The following MATN3 variants were observed in gnomAD, a reference collection of about 807,000 sequenced individuals.
The protein encoded by MATN3 is matrilin-3.
In MATN3, 48 loss-of-function variants were observed where a neutral mutation model predicts 45.3. The observed-to-expected ratio is 1.06, with a 90% CI of 0.84 to 1.35. MATN3 has a LOEUF of 1.35. MATN3 is among the 40% of genes most tolerant of loss of function. MATN3 has a pLI of 0.00. For synonymous variants in MATN3, 217 were observed against 245.9 expected, an observed-to-expected ratio of 0.88 and a Z score of 1.10; for missense variants, 599 against 628.0, an observed-to-expected ratio of 0.95 and a Z score of 0.49.
chr2:20,001,904 T>A, intron 4 of MATN3, 51 bp downstream of exon 4: 1 of 1,571,824 alleles, frequency 6.4e-7, no homozygotes, highest in Non-Finnish European at 8.7e-7. Context: ...CATCACCGGG[T>A]AGGTAGGCAG....
chr2:20,012,598 C>A lies in MATN3; in HGVS notation c.34G>T (p.Gly12Ter). 8.2e-7 allele frequency: 1 copy of A among 1,222,560 alleles called. No homozygotes were observed. 75.7% of individuals were successfully genotyped at this position (1,222,560 alleles called of 1,614,324 possible). A position where few individuals can be genotyped will look rare whatever the true frequency, so the allele number is the denominator to read the frequency against. ...PRPAPARRLP[G>*]LLLLLWPLLL... is the part of the protein sequence containing the mutation. ...AGCGGCCAGAGCAGCAGGAGGAGTC[C>A]CGGGAGGCGGCGCGCGGGGGCCGGG... is the stretch of plus-strand genomic sequence containing the variant. Residue 12 changes from glycine (G) to a stop codon, truncating the protein, a stop_gained, in exon 1 of 8, where the codon GGA becomes TGA. Transcript: ENST00000407540. LOFTEE classifies it high-confidence loss of function. The surrounding 1 kb of genome is among the most constrained non-coding windows in gnomAD (Gnocchi z 4.3).
intron 6 of MATN3, among the ~76,000 whole-genome samples, chr2:19,996,394 G>C (rs554212930): frequency 4.6e-5 from 7 of 152,142 alleles, no homozygotes; most frequent in African/African-American, 1.7e-4. Context: ...TGCAATGAAA[G>C]ACTGTTAAAA....
Position 20,011,202 on chromosome 2 carries a change from TA to T in MATN3, c.223+1206del, listed in dbSNP as rs1247836117. On this transcript the variant is annotated intron_variant, in intron 1 of 7. Coordinates refer to ENST00000407540, the MANE Select transcript of MATN3 (RefSeq NM_002381.5). ...TAGGTAATGAAAGACCAGTAAAGCT[TA>T]GGGGGACATGGCCACCTGGTGCTGA... Among the ~76,000 whole-genome samples the T allele has an allele frequency of 3.9e-5, 6 of 152,254 alleles. No individual in the cohort carries two copies. The East Asian group carries it at 1.2e-3, about 29-fold the overall frequency.
At chr2:19,994,472 A>G in intron 6 of MATN3, 63 bp from the exon 7 acceptor site, 2 of 934,722 alleles carry the variant, frequency 2.1e-6, no homozygotes, top group South Asian at 1.6e-5. Context: ...ATCATAACAA[A>G]TCAGGAAATC....
At chr2:20,000,858 T>C (rs1672971914) in intron 4 of MATN3, among the ~76,000 whole-genome samples, 1 of 152,238 alleles carries the variant, frequency 6.6e-6, no homozygotes, top group Admixed American at 6.5e-5. Context: ...AGGCTTATTG[T>C]ACTTATCCCA....
In MATN3 at chr2:20,002,161, T is replaced by TACACACACACACAC. The variant is rs35083474; in HGVS notation, c.917-95_917-82dup. ...TTGTGGGCCACGCCACTTACAGTTA[T>TACACACACACACAC]ACACACACACACACACACACACACA... On this transcript the variant is annotated intron_variant, in intron 3 of 7. Coordinates refer to ENST00000407540, the MANE Select transcript of MATN3 (RefSeq NM_002381.5). 2.5e-3 allele frequency: 1,591 copies of TACACACACACACAC among 647,338 alleles called. 26 individuals are homozygous for TACACACACACACAC. In the East Asian group the frequency reaches 0.049, roughly 20 times the overall value. The allele number at this position is 647,338 out of a possible 1,614,324, so 40.1% of individuals were successfully genotyped here.
chr2:19,999,161 A>G (rs1672935621), intron 5 of MATN3: 1 of 151,876 alleles, frequency 6.6e-6, no homozygotes, highest in Non-Finnish European at 1.5e-5. Context: ...ATTCCATACT[A>G]TCTGTTAGTT....
rs777525918 is a variant in MATN3, at chr2:19,993,101, T to C, written c.*10A>G. 2.1e-5 allele frequency: 33 copies of C among 1,609,122 alleles called. No individual in the cohort carries two copies. The highest frequency in any genetic ancestry group is 2.2e-5 in the South Asian group (2 of 90,936). On this transcript the variant is annotated 3_prime_UTR_variant, in exon 8 of 8. Transcript: ENST00000407540. ...GCTGTCCACATTTTCAGGTGAGAAA[T>C]TGGAGCAATTTAACGATGTATTTGT...
At chr2:20,009,388 C>A (rs1673173561) in intron 1 of MATN3, among the ~76,000 whole-genome samples, 1 of 151,864 alleles carries the variant, frequency 6.6e-6, no homozygotes, top group Middle Eastern at 3.2e-3. Context: ...AACAGAAAAC[C>A]AGACACCACA....
chr2:20,003,147 T>C lies in MATN3; in HGVS notation c.916+14A>G, dbSNP rs775554866. On this transcript the variant is annotated intron_variant, in intron 3 of 7. Transcript: ENST00000407540. The stretch of plus-strand genomic sequence containing the variant: ...AGTATTTGATTCAGTCACGGCCCCC[T>C]ACACAGGCCTCACCTGAACACGTTT... 5.1e-5 allele frequency: 83 copies of C among 1,613,552 alleles called. No individual in the cohort carries two copies. The highest frequency in any genetic ancestry group is 3.3e-5 in the Non-Finnish European group (39 of 1,179,654).
At position 19,992,487 on chromosome 2, in the gene MATN3, A is replaced by G. The variant is rs1263525285; in HGVS notation, c.*624T>C. On this transcript the variant is annotated 3_prime_UTR_variant, in exon 8 of 8. Transcript: ENST00000407540. ...CACAACTAGTGCTCTTTAGTAGTAC[A>G]TTTCTTTCAAAGACCAGAATGAATT... 5.9e-5 allele frequency: 9 copies of G among 152,228 alleles called. No individual in the cohort carries two copies. Among genetic ancestry groups the G allele is most frequent in the Admixed American group, 5.9e-4 (9 of 15,286 alleles). 9.4% of individuals were successfully genotyped at this position (152,228 alleles called of 1,614,324 possible).
At chr2:20,006,519 G>A (rs929279773) in intron 1 of MATN3, among the ~76,000 whole-genome samples, 1 of 152,172 alleles carries the variant, frequency 6.6e-6, no homozygotes, top group Non-Finnish European at 1.5e-5. Flanking sequence ...GAGGTGTGAA[G>A]TTTCCCCAAA....
chr2:20,011,293 T>C (rs1051194855), intron 1 of MATN3, among the ~76,000 whole-genome samples: 2 of 152,248 alleles, frequency 1.3e-5, no homozygotes, highest in East Asian at 1.9e-4. Flanking sequence ...TAAGATTAAC[T>C]TCCAGAAGAA....
chr2:20,003,417 T>A (rs1673029255), intron 2 of MATN3, 131 bp from the exon 3 acceptor site: 2 of 882,006 alleles, frequency 2.3e-6, no homozygotes, highest in Non-Finnish European at 3.2e-6. Context: ...AAAAAAATGG[T>A]TATTTGTTTT....
chr2:20,012,528 C>A lies in MATN3; in HGVS notation c.104G>T (p.Gly35Val). The part of the protein sequence containing the change: ...SAAPDPVARP[G>V]FRRLETRGPG... ...ACCTCGGGTCTCCAGCCTCCGGAAG[C>A]CCGGGCGGGCCACGGGGTCGGGGGC... is the stretch of plus-strand genomic sequence containing the variant. The change falls in exon 1 of 8, where the codon GGC becomes GTC. Residue 35 changes from glycine (G) to valine (V), a missense_variant. Gly to Val is a moderately radical substitution (Grantham distance 109). Transcript: ENST00000407540. This position sits in a 1 kb window ranked among gnomAD's most constrained non-coding sequence, Gnocchi z 4.3. The A allele has an allele frequency of 6.5e-6, 8 of 1,227,220 alleles. No individual in the cohort carries two copies. Among genetic ancestry groups the A allele is most frequent in the Non-Finnish European group, 7.1e-6 (7 of 985,218 alleles). 76.0% of individuals were successfully genotyped at this position (1,227,220 alleles called of 1,614,324 possible). A position where few individuals can be genotyped will look rare whatever the true frequency, so the allele number is the denominator to read the frequency against.
chr2:20,009,232 CAAA>C (rs558125406), intron 1 of MATN3, among the ~76,000 whole-genome samples: 1 of 54,976 alleles, frequency 1.8e-5, no homozygotes, highest in Admixed American at 1.9e-4. Flanking sequence ...CTCTAAAAGC[CAAA>C]AAAAAAAAAA....
Position 20,005,619 on chromosome 2 carries a change from C to T in MATN3, c.790+125G>A, listed in dbSNP as rs1019323796. On this transcript the variant is annotated intron_variant, in intron 2 of 7. Coordinates refer to ENST00000407540, the MANE Select transcript of MATN3 (RefSeq NM_002381.5). ...GCATGCACACGTGCACACACACACA[C>T]GCATTGGATATATTTAAGTTTTTCA... 2.8e-5 allele frequency: 22 copies of T among 779,504 alleles called. No individual in the cohort carries two copies. In the African/African-American group the frequency reaches 3.2e-4, roughly 11 times the overall value. The allele number at this position is 779,504 out of a possible 1,614,324, so 48.3% of individuals were successfully genotyped here. A position where few individuals can be genotyped will look rare whatever the true frequency, so the allele number is the denominator to read the frequency against.
intron 1 of MATN3, among the ~76,000 whole-genome samples, chr2:20,011,365 C>A (rs903372588): frequency 7.2e-5 from 11 of 152,250 alleles, no homozygotes; most frequent in Non-Finnish European, 1.5e-4. Context: ...GCCCTGTGGA[C>A]CCCGGTACCT....
chr2:19,999,849 C>G (rs1180563572), intron 5 of MATN3, among the ~76,000 whole-genome samples: 1 of 152,132 alleles, frequency 6.6e-6, no homozygotes, highest in African/African-American at 2.4e-5. Flanking sequence ...AAGTTTAAAT[C>G]AAATTAATGA....
Sources: allele counts gnomAD v4.1 joint callset (sites outside exome capture counted in the v4.1 genomes callset), GRCh38; gene constraint gnomAD v4.1.1; non-coding constraint Gnocchi (gnomAD v3.1); transcripts MANE v1.5; gene names NCBI Gene and HGNC (gene_info 2026-07-23, HGNC 2026-07-21).